The following GABRB1 variants were observed in gnomAD, a reference collection of about 807,000 sequenced individuals.
GABRB1 encodes the protein gamma-aminobutyric acid type A receptor subunit beta1.
In GABRB1, 17 loss-of-function variants were observed where a neutral mutation model predicts 51.6. That is an observed-to-expected ratio of 0.33 (90% CI 0.23 to 0.49). The LOEUF (loss-of-function observed/expected upper bound fraction) is 0.49, where lower values mean the gene tolerates loss of function less well. GABRB1 is among the 20% of genes least tolerant of loss of function. The pLI, the probability that GABRB1 is intolerant of heterozygous loss-of-function variation, is 0.99. For synonymous variants in GABRB1, 247 were observed against 218.9 expected, an observed-to-expected ratio of 1.13 and a Z score of -1.14; for missense variants, 410 against 600.6, an observed-to-expected ratio of 0.68 and a Z score of 3.32.
intron 4 of GABRB1, among the ~76,000 whole-genome samples, chr4:47,308,332 T>G (rs961212114): frequency 6.6e-6 from 1 of 152,074 alleles, no homozygotes; most frequent in African/African-American, 2.4e-5. Context: ...GCTCTAGAAG[T>G]AGCATTTCTC....
chr4:47,001,606 C>T (rs144757860), intron 1 of GABRB1, among the ~76,000 whole-genome samples: 3 of 152,212 alleles, frequency 2.0e-5, no homozygotes, highest in African/African-American at 7.2e-5. Context: ...AGAGGGAATT[C>T]TGCCAGCAGA....
At chr4:47,303,833 G>T (rs1724351707) in intron 4 of GABRB1, among the ~76,000 whole-genome samples, 1 of 151,866 alleles carries the variant, frequency 6.6e-6, no homozygotes, top group African/African-American at 2.4e-5. Context: ...TCCCCACCCA[G>T]TCCCTGGTAA....
intron 4 of GABRB1, among the ~76,000 whole-genome samples, chr4:47,211,581 C>T (rs904912696): frequency 2.0e-5 from 3 of 152,120 alleles, no homozygotes; most frequent in South Asian, 2.1e-4. Context: ...AGCAGAGAAC[C>T]GTTACCGCTC....
At chr4:47,161,087 C>A (rs912026295) in intron 3 of GABRB1, among the ~76,000 whole-genome samples, 162 bp from the exon 4 acceptor site, 3 of 152,012 alleles carry the variant, frequency 2.0e-5, no homozygotes, top group Admixed American at 1.3e-4. Context: ...TCCACAGTGC[C>A]AGGCCCCTAG....
At chr4:47,004,240 G>T (rs1386408349) in intron 1 of GABRB1, among the ~76,000 whole-genome samples, 1 of 152,112 alleles carries the variant, frequency 6.6e-6, no homozygotes, top group East Asian at 1.9e-4. Flanking sequence ...GCCTGCCTCG[G>T]CCTTTCAAAG....
At chr4:47,249,839 C>T (rs1482769718) in intron 4 of GABRB1, among the ~76,000 whole-genome samples, 2 of 152,054 alleles carry the variant, frequency 1.3e-5, no homozygotes, top group Non-Finnish European at 2.9e-5. Context: ...AGGTGAGTCT[C>T]CTGAAGGCAG....
Position 47,426,217 on chromosome 4 carries a change from T to G in GABRB1, c.*199T>G, listed in dbSNP as rs1729288379. The G allele has an allele frequency of 2.2e-6, 1 of 447,164 alleles. No individual in the cohort carries two copies. The highest frequency in any genetic ancestry group is 2.0e-5 in the African/African-American group (1 of 49,474). 27.7% of individuals were successfully genotyped at this position (447,164 alleles called of 1,614,324 possible). ...AACAAAAAAAAAATTATTTTTCCAG[T>G]CTACCGTGGTCCAGGTTATCAGCTC... On this transcript the variant is annotated 3_prime_UTR_variant, in exon 9 of 9. Coordinates refer to ENST00000295454, the MANE Select transcript of GABRB1 (RefSeq NM_000812.4).
intron 4 of GABRB1, among the ~76,000 whole-genome samples, chr4:47,301,206 C>T (rs967246279): frequency 2.0e-5 from 3 of 152,132 alleles, no homozygotes; most frequent in Non-Finnish European, 4.4e-5. Context: ...ATGAGATACA[C>T]TACTCTGGCA....
intron 5 of GABRB1, among the ~76,000 whole-genome samples, chr4:47,377,045 A>T (rs541876021): frequency 0.07 from 3,133 of 44,512 alleles, 104 homozygotes; most frequent in African/African-American, 0.37. Context: ...TTTCAGGATA[A>T]AAAAAAAGGG....
At chr4:47,294,570 C>G (rs1487688332) in intron 4 of GABRB1, among the ~76,000 whole-genome samples, 4 of 152,246 alleles carry the variant, frequency 2.6e-5, no homozygotes, top group Non-Finnish European at 5.9e-5. Flanking sequence ...CCCGCCATTG[C>G]CCAGGCTTGC....
chr4:47,050,765 TA>T (rs1303828553), intron 3 of GABRB1, among the ~76,000 whole-genome samples: 2 of 152,156 alleles, frequency 1.3e-5, no homozygotes, highest in Non-Finnish European at 2.9e-5. Context: ...CAACTCCACA[TA>T]AATAAGAGAA....
At chr4:47,146,712 T>G (rs570963729) in intron 3 of GABRB1, among the ~76,000 whole-genome samples, 2 of 152,248 alleles carry the variant, frequency 1.3e-5, no homozygotes, top group East Asian at 3.9e-4. Flanking sequence ...CTACTCATTT[T>G]GCTAGACAGA....
chr4:47,239,600 A>G (rs1721451892), intron 4 of GABRB1, among the ~76,000 whole-genome samples: 1 of 152,236 alleles, frequency 6.6e-6, no homozygotes, highest in South Asian at 2.1e-4. Flanking sequence ...TACGAGAAAC[A>G]GAACTTAGTA....
chr4:47,174,560 T>A (rs185935583), intron 4 of GABRB1, among the ~76,000 whole-genome samples: 1 of 152,282 alleles, frequency 6.6e-6, no homozygotes, highest in African/African-American at 2.4e-5. Context: ...CAGGTATTAG[T>A]CTGATCTCTT....
At chr4:47,238,729 A>G (rs941744984) in intron 4 of GABRB1, among the ~76,000 whole-genome samples, 3 of 152,200 alleles carry the variant, frequency 2.0e-5, no homozygotes, top group Non-Finnish European at 2.9e-5. Flanking sequence ...TACTTAAGTA[A>G]AAAAAATTAA....
intron 5 of GABRB1, among the ~76,000 whole-genome samples, chr4:47,346,607 G>A (rs1726102957): frequency 6.6e-6 from 1 of 152,184 alleles, no homozygotes; most frequent in African/African-American, 2.4e-5. Context: ...CTATAATGCT[G>A]ATGAAACATT....
intron 4 of GABRB1, among the ~76,000 whole-genome samples, chr4:47,275,377 A>T (rs1310916259): frequency 6.6e-6 from 1 of 152,130 alleles, no homozygotes; most frequent in East Asian, 1.9e-4. Context: ...CTCTTGAAAT[A>T]AAAAGCCCTG....
At chr4:47,223,085 CG>C (rs1481466095) in intron 4 of GABRB1, among the ~76,000 whole-genome samples, 1 of 152,040 alleles carries the variant, frequency 6.6e-6, no homozygotes, top group African/African-American at 2.4e-5. Context: ...TACCACCTAC[CG>C]GGAACATTTC....
At chr4:47,242,466 T>C (rs915195785) in intron 4 of GABRB1, among the ~76,000 whole-genome samples, 1 of 152,226 alleles carries the variant, frequency 6.6e-6, no homozygotes, top group Admixed American at 6.5e-5. Context: ...CACCACACTG[T>C]CTTCCACAAT....
Sources: gnomAD v4.1 joint callset for allele counts (sites outside exome capture counted in the v4.1 genomes callset) on GRCh38, gnomAD v4.1.1 for gene constraint, MANE v1.5 for transcripts, NCBI Gene and HGNC (gene_info 2026-07-23, HGNC 2026-07-21) for gene names.